The following WDR20 variants were observed in gnomAD, a reference collection of about 807,000 sequenced individuals.
WDR20 encodes the protein WD repeat-containing protein 20.
Under a neutral mutation model 38.7 loss-of-function variants are expected in WDR20, and 3 were observed. The observed-to-expected ratio is 0.08, with a 90% confidence interval of 0.04 to 0.20. The LOEUF is 0.20. WDR20 is among the 10% of genes least tolerant of loss of function. WDR20 has a pLI of 1.00. For synonymous variants in WDR20, 298 were observed against 285.6 expected (o/e 1.04, Z -0.44); for missense variants, 559 against 727.7 (o/e 0.77, Z 2.67).
At chr14:102,140,988 T>C (rs536719399) in intron 1 of WDR20, among the ~76,000 whole-genome samples, 3 of 152,316 alleles carry the variant, frequency 2.0e-5, no homozygotes, top group African/African-American at 7.2e-5. Flanking sequence ...AAAGCTGCTT[T>C]AAAGGGACCA....
intron 1 of WDR20, among the ~76,000 whole-genome samples, chr14:102,148,889 C>T (rs1425056379): frequency 4.6e-5 from 7 of 152,058 alleles, no homozygotes; most frequent in Non-Finnish European, 1.0e-4. Context: ...AGGCCAGGCG[C>T]GGTGGCTCAC....
chr14:102,170,529 G>A (rs2060596611), intron 1 of WDR20, among the ~76,000 whole-genome samples: 1 of 151,880 alleles, frequency 6.6e-6, no homozygotes, highest in African/African-American at 2.4e-5. Context: ...CTTGTGCTAT[G>A]AATTAAGCAT....
chr14:102,189,694 T>G lies in WDR20; in HGVS notation c.250-5244T>G, dbSNP rs2065851994. On this transcript the variant is annotated intron_variant, in intron 1 of 2. Transcript: ENST00000342702. ...ATAATAATTGGGATGCAAACCATTTTTTGAAATCTCAGTGTGTAGAATCTA... is the reference window on the plus strand; with the variant it reads ...ATAATAATTGGGATGCAAACCATTTGTTGAAATCTCAGTGTGTAGAATCTA... Among the ~76,000 whole-genome samples, 4 of 152,250 alleles carry G rather than the reference T, an allele frequency of 2.6e-5. No homozygotes were observed. The South Asian group carries it at 8.3e-4, about 32-fold the overall frequency.
At chr14:102,177,474 C>T (rs1427954811) in intron 1 of WDR20, among the ~76,000 whole-genome samples, 1 of 152,104 alleles carries the variant, frequency 6.6e-6, no homozygotes, top group Non-Finnish European at 1.5e-5. Flanking sequence ...TGAAGGGAGT[C>T]TACTAGCTAT....
intron 1 of WDR20, among the ~76,000 whole-genome samples, chr14:102,178,542 G>A (rs1158699496): frequency 3.9e-5 from 6 of 151,920 alleles, no homozygotes; most frequent in African/African-American, 1.2e-4. Flanking sequence ...CAGTATCAGC[G>A]TCCCCTCAGA....
chr14:102,156,191 G>A (rs1350158882), intron 1 of WDR20, among the ~76,000 whole-genome samples: 1 of 145,204 alleles, frequency 6.9e-6, no homozygotes, highest in African/African-American at 2.6e-5. Context: ...TTTTTGAGAC[G>A]GAGTCTTGGT....
chr14:102,144,859 C>G (rs1483338989), intron 1 of WDR20, among the ~76,000 whole-genome samples: 3 of 151,990 alleles, frequency 2.0e-5, no homozygotes, highest in Non-Finnish European at 4.4e-5. Context: ...GCCACCATGC[C>G]CAGCTCATTT....
chr14:102,151,743 C>CT (rs554253452), intron 1 of WDR20, among the ~76,000 whole-genome samples: 2,959 of 139,062 alleles, frequency 0.021, 85 homozygotes, highest in African/African-American at 0.066. Flanking sequence ...TTTCCTTTTT[C>CT]TTTTTTTTTT....
At position 102,192,305 on chromosome 14, in the gene WDR20, G is replaced by A. The variant is rs528361045; in HGVS notation, c.250-2633G>A. Among the ~76,000 whole-genome samples, 140 of 151,478 alleles carry A rather than the reference G, an allele frequency of 9.2e-4. 1 individual carries two copies. The highest frequency in any genetic ancestry group is 2.3e-3 in the African/African-American group (94 of 41,234). On this transcript the variant is annotated intron_variant, in intron 1 of 2. Coordinates refer to ENST00000342702, the MANE Select transcript of WDR20 (RefSeq NM_144574.4). The stretch of plus-strand genomic sequence containing the variant: ...AGCGATTCTCCTGTCTCAGCCTCCC[G>A]AGTAGCTGGGACTACAGGTGCCCAC...
At chr14:102,183,349 T>A (rs187110186) in intron 1 of WDR20, among the ~76,000 whole-genome samples, 42 of 152,374 alleles carry the variant, frequency 2.8e-4, no homozygotes, top group Admixed American at 2.5e-3. Flanking sequence ...TCAAGCATTT[T>A]GGCCACTTGT....
chr14:102,177,741 T>C (rs1028500006), intron 1 of WDR20, among the ~76,000 whole-genome samples: 2 of 152,186 alleles, frequency 1.3e-5, no homozygotes, highest in African/African-American at 2.4e-5. Context: ...TCCGCAGTTA[T>C]CTATTCATGC....
chr14:102,140,355 T>G, intron 1 of WDR20, 183 bp downstream of exon 1: 8 of 1,020,380 alleles, frequency 7.8e-6, no homozygotes, highest in Non-Finnish European at 9.4e-6. Flanking sequence ...GTGGTGGCGG[T>G]GGCGTTTCGA....
chr14:102,221,147 C>T lies in WDR20; in HGVS notation c.1693-1683C>T, dbSNP rs117679726. On this transcript the variant is annotated intron_variant, in intron 3 of 3. Coordinates refer to the WDR20 transcript ENST00000335263. The surrounding 1 kb of genome is among the most constrained non-coding windows in gnomAD (Gnocchi z 4.8). The stretch of plus-strand genomic sequence containing the variant: ...TGGGGCTGCCTCCTACCTGGAGCAG[C>T]ACTCACCTCCACCTGGCACTCCGTG... 6.6e-5 allele frequency among the ~76,000 whole-genome samples: 10 copies of T among 152,190 alleles called. No individual in the cohort carries two copies. The highest frequency in any genetic ancestry group is 2.0e-4 in the Admixed American group (3 of 15,274).
chr14:102,180,256 CT>C (rs1456966218), intron 1 of WDR20, among the ~76,000 whole-genome samples: 2 of 152,174 alleles, frequency 1.3e-5, no homozygotes, highest in African/African-American at 4.8e-5. Flanking sequence ...CGAACGCTGC[CT>C]GTAGCAGGGT....
intron 1 of WDR20, among the ~76,000 whole-genome samples, chr14:102,171,090 T>C (rs1042138269): frequency 6.6e-6 from 1 of 152,024 alleles, no homozygotes; most frequent in Non-Finnish European, 1.5e-5. Flanking sequence ...TAGCTGGGAT[T>C]ACAGGCATGC....
intron 1 of WDR20, among the ~76,000 whole-genome samples, chr14:102,172,553 C>T (rs1255503266): frequency 2.0e-5 from 3 of 148,334 alleles, no homozygotes; most frequent in East Asian, 2.0e-4. Flanking sequence ...CCCCACCTCC[C>T]TCCCGGACGG....
chr14:102,199,316 A>C (rs2059922469), intron 2 of WDR20, among the ~76,000 whole-genome samples: 1 of 151,974 alleles, frequency 6.6e-6, no homozygotes, highest in Non-Finnish European at 1.5e-5. Flanking sequence ...GTGTTTGTGA[A>C]GGGCCTGAAG....
intron 1 of WDR20, 36 bp downstream of exon 1, chr14:102,140,208 C>T (rs1271983054): frequency 2.5e-6 from 4 of 1,604,730 alleles, no homozygotes; most frequent in Non-Finnish European, 3.4e-6. Context: ...CAGCCAGCGG[C>T]GTAGGCAGAG....
At chr14:102,199,418 C>T (rs777411449) in intron 2 of WDR20, among the ~76,000 whole-genome samples, 13 of 151,920 alleles carry the variant, frequency 8.6e-5, no homozygotes, top group Non-Finnish European at 1.6e-4. Flanking sequence ...GAAAGGGTTC[C>T]GTGGGAGGTG....
Sources: gnomAD v4.1 joint callset for allele counts (sites outside exome capture counted in the v4.1 genomes callset) on GRCh38, gnomAD v4.1.1 for gene constraint, Gnocchi (gnomAD v3.1) non-coding constraint, MANE v1.5 for transcripts, NCBI Gene and HGNC (gene_info 2026-07-23, HGNC 2026-07-21) for gene names.